TAFA5: variants seen among roughly 807,000 people sequenced by gnomAD.
The protein encoded by TAFA5 is chemokine-like protein TAFA-5.
TAFA5 carries 6 observed loss-of-function variants against 15.3 expected under a neutral mutation model. The ratio of observed to expected loss-of-function variants is 0.39; its 90% CI spans 0.21 to 0.77. The LOEUF (loss-of-function observed/expected upper bound fraction) is 0.77, where lower values mean the gene tolerates loss of function less well. Ranked by LOEUF, TAFA5 falls within the 30% of genes least tolerant of loss-of-function variation. The pLI, the probability that TAFA5 is intolerant of heterozygous loss-of-function variation, is 0.41. For synonymous variants in TAFA5, 103 were observed against 80.7 expected (o/e 1.28, Z -1.48); for missense variants, 161 against 193.1 (o/e 0.83, Z 0.98).
At chr22:48,632,539 C>G (rs902945171) in intron 1 of TAFA5, among the ~76,000 whole-genome samples, 1 of 151,178 alleles carries the variant, frequency 6.6e-6, no homozygotes, top group African/African-American at 2.5e-5. Context: ...GCCTGCCACC[C>G]TTGCGGGGAT....
intron 2 of TAFA5, among the ~76,000 whole-genome samples, chr22:48,704,746 C>T (rs1929026949): frequency 1.3e-5 from 2 of 152,022 alleles, no homozygotes. Context: ...GGGATGTTCC[C>T]ATGTCTCCTG....
intron 1 of TAFA5, among the ~76,000 whole-genome samples, chr22:48,586,334 C>T (rs928097303): frequency 2.6e-5 from 4 of 152,272 alleles, no homozygotes; most frequent in African/African-American, 9.6e-5. Context: ...TCTTGTGCTC[C>T]TCCCAAGGGT....
intron 1 of TAFA5, among the ~76,000 whole-genome samples, chr22:48,509,053 A>G (rs554473763): frequency 3.2e-4 from 49 of 152,340 alleles, no homozygotes; most frequent in Non-Finnish European, 5.3e-4. Flanking sequence ...ATGAATGAGA[A>G]CAGGAGGTAT....
At chr22:48,669,905 C>T (rs1226208382) in intron 2 of TAFA5, among the ~76,000 whole-genome samples, 1 of 152,256 alleles carries the variant, frequency 6.6e-6, no homozygotes. Context: ...GCTGTGCTGC[C>T]TCCCGCCTGA....
At chr22:48,594,959 CT>C (rs1327395100) in intron 1 of TAFA5, among the ~76,000 whole-genome samples, 1 of 151,994 alleles carries the variant, frequency 6.6e-6, no homozygotes, top group African/African-American at 2.4e-5. Flanking sequence ...AGCAGGGTGC[CT>C]GTACCCCTGA....
chr22:48,685,138 T>C lies in TAFA5; in HGVS notation c.263-22579T>C, dbSNP rs143975216. On this transcript the variant is annotated intron_variant, in intron 2 of 3. Coordinates refer to ENST00000402357, the MANE Select transcript of TAFA5 (RefSeq NM_001082967.3). ...GGGGGCTTCCAGGTCATAGGTGGAT[T>C]CAGAGATTTCCTGATTGGCAATTGG... Among the ~76,000 whole-genome samples, 530 of 152,330 alleles carry C rather than the reference T, an allele frequency of 3.5e-3. 3 individuals carry two copies. Among genetic ancestry groups the C allele is most frequent in the African/African-American group, 0.012 (505 of 41,572 alleles).
intron 2 of TAFA5, among the ~76,000 whole-genome samples, chr22:48,660,331 G>A (rs1472652591): frequency 2.6e-5 from 4 of 152,180 alleles, no homozygotes; most frequent in Non-Finnish European, 5.9e-5. Context: ...GGCTGGATGT[G>A]GCTCGGACTC....
At chr22:48,619,828 G>T (rs1355759348) in intron 1 of TAFA5, among the ~76,000 whole-genome samples, 1 of 152,338 alleles carries the variant, frequency 6.6e-6, no homozygotes, top group East Asian at 1.9e-4. Flanking sequence ...GGTGGGAAGC[G>T]CTGTCCTCGT....
intron 1 of TAFA5, among the ~76,000 whole-genome samples, chr22:48,551,289 G>A (rs2147126444): frequency 6.6e-6 from 1 of 152,240 alleles, no homozygotes. Context: ...TGAGCTCGGG[G>A]AGGAAAACAC....
chr22:48,704,095 G>A (rs1569086834), intron 2 of TAFA5, among the ~76,000 whole-genome samples: 1 of 152,158 alleles, frequency 6.6e-6, no homozygotes, highest in African/African-American at 2.4e-5. Flanking sequence ...ATGGTACGGG[G>A]TGGATGGGAG....
chr22:48,560,252 G>A lies in TAFA5; in HGVS notation c.112+70548G>A, dbSNP rs920458401. ...GCTGAGGCGTCTGTCCCTGTCGTGC[G>A]CCCAGGCTGGTGCCGTCAGGCTCCC... On this transcript the variant is annotated intron_variant, in intron 1 of 3. Coordinates refer to ENST00000402357, the MANE Select transcript of TAFA5 (RefSeq NM_001082967.3). The surrounding 1 kb of genome is among the most constrained non-coding windows in gnomAD (Gnocchi z 4.2). Among the ~76,000 whole-genome samples the A allele has an allele frequency of 5.3e-5, 8 of 152,230 alleles. No individual in the cohort carries two copies. Among genetic ancestry groups the A allele is most frequent in the East Asian group, 1.9e-4 (1 of 5,192 alleles).
rs988240082 is a variant in TAFA5, at chr22:48,681,955, C to T, written c.263-25762C>T. Among the ~76,000 whole-genome samples the T allele has an allele frequency of 3.4e-5, 4 of 118,332 alleles. 1 individual carries two copies. The highest frequency in any genetic ancestry group is 3.0e-4 in the South Asian group (1 of 3,358). 77.6% of individuals were successfully genotyped at this position (118,332 alleles called of 152,430 possible). On this transcript the variant is annotated intron_variant, in intron 2 of 3. Coordinates refer to ENST00000402357, the MANE Select transcript of TAFA5 (RefSeq NM_001082967.3). ...GAGCTGTGGAGTCTTTGCGAGGGTA[C>T]GGGAGCTCCCCGTCAAGCAGACGTT...
intron 1 of TAFA5, chr22:48,545,564 T>G (rs1403540631): frequency 6.5e-6 from 1 of 153,474 alleles, no homozygotes; most frequent in Non-Finnish European, 1.4e-5. Flanking sequence ...CATCCTGTGT[T>G]GGTGCTGGGA....
intron 1 of TAFA5, among the ~76,000 whole-genome samples, chr22:48,538,723 A>G (rs1922256391): frequency 6.6e-6 from 1 of 152,086 alleles, no homozygotes. Context: ...CAGGACACCA[A>G]ACTCAACCTC....
intron 3 of TAFA5, among the ~76,000 whole-genome samples, chr22:48,741,615 T>C (rs1367176986): frequency 6.6e-6 from 1 of 152,114 alleles, no homozygotes; most frequent in African/African-American, 2.4e-5. Flanking sequence ...AGGGTCCTGA[T>C]TCAAGAGAAC....
chr22:48,573,648 G>T (rs984305228), intron 1 of TAFA5, among the ~76,000 whole-genome samples: 2 of 152,326 alleles, frequency 1.3e-5, no homozygotes, highest in Admixed American at 1.3e-4. Context: ...TGTGATGGTG[G>T]TCCCCCAACA....
At chr22:48,705,882 A>AC (rs1453915239) in intron 2 of TAFA5, among the ~76,000 whole-genome samples, 1 of 152,242 alleles carries the variant, frequency 6.6e-6, no homozygotes, top group Admixed American at 6.5e-5. Context: ...TTTCAAGTAA[A>AC]CAGGTATCCT....
At chr22:48,618,852 C>T (rs1380437492) in intron 1 of TAFA5, among the ~76,000 whole-genome samples, 3 of 152,218 alleles carry the variant, frequency 2.0e-5, no homozygotes, top group Non-Finnish European at 4.4e-5. Flanking sequence ...CTCCCCTTGC[C>T]TCCTGACACC....
At chr22:48,512,404 C>G (rs1430569126) in intron 1 of TAFA5, among the ~76,000 whole-genome samples, 4 of 151,836 alleles carry the variant, frequency 2.6e-5, no homozygotes, top group Non-Finnish European at 4.4e-5. Context: ...GTCAGGAGTT[C>G]GAGACCAGCC....
Sources: allele counts gnomAD v4.1 joint callset (sites outside exome capture counted in the v4.1 genomes callset), GRCh38; gene constraint gnomAD v4.1.1; non-coding constraint Gnocchi (gnomAD v3.1); transcripts MANE v1.5; gene names NCBI Gene and HGNC (gene_info 2026-07-23, HGNC 2026-07-21).